The following COL26A1 variants were observed in gnomAD, a reference collection of about 807,000 sequenced individuals.
COL26A1 encodes the protein collagen type XXVI alpha 1 chain.
In COL26A1, 41 loss-of-function variants were observed where a neutral mutation model predicts 59.3. The ratio of observed to expected loss-of-function variants is 0.69; its 90% CI spans 0.54 to 0.90. COL26A1 has a LOEUF of 0.90. Among genes scored for constraint, COL26A1 ranks in the 40% least tolerant of loss-of-function variants. COL26A1 has a pLI of 0.00. For synonymous variants in COL26A1, 266 were observed against 256.0 expected, an observed-to-expected ratio of 1.04 and a Z score of -0.37; for missense variants, 612 against 602.3, an observed-to-expected ratio of 1.02 and a Z score of -0.17.
intron 3 of COL26A1, among the ~76,000 whole-genome samples, chr7:101,479,109 A>G (rs946056143): frequency 4.6e-5 from 7 of 152,230 alleles, no homozygotes; most frequent in African/African-American, 1.4e-4. Flanking sequence ...GCTTGCCCAG[A>G]CAGAAAATAC....
chr7:101,518,171 G>A (rs191306798), intron 3 of COL26A1, among the ~76,000 whole-genome samples: 1 of 152,280 alleles, frequency 6.6e-6, no homozygotes, highest in Admixed American at 6.5e-5. Flanking sequence ...AATGGCCAGA[G>A]AACCTTGCCC....
At chr7:101,532,381 T>C (rs1795388682) in intron 3 of COL26A1, among the ~76,000 whole-genome samples, 2 of 152,116 alleles carry the variant, frequency 1.3e-5, no homozygotes, top group African/African-American at 4.8e-5. Flanking sequence ...CCCCTGGTGT[T>C]AGAGATCCTT....
At chr7:101,436,453 C>T (rs1458273051) in intron 2 of COL26A1, among the ~76,000 whole-genome samples, 5 of 152,064 alleles carry the variant, frequency 3.3e-5, no homozygotes, top group East Asian at 1.9e-4. Context: ...GGGGAGGAGT[C>T]GGGGGCGGGC....
At chr7:101,538,241 G>A (rs890503736) in intron 4 of COL26A1, among the ~76,000 whole-genome samples, 7 of 152,160 alleles carry the variant, frequency 4.6e-5, no homozygotes, top group African/African-American at 1.2e-4. Context: ...GGCAGGAATC[G>A]GAACCCTTCT....
intron 3 of COL26A1, among the ~76,000 whole-genome samples, chr7:101,463,461 A>G (rs1793660885): frequency 6.6e-6 from 1 of 152,162 alleles, no homozygotes; most frequent in African/African-American, 2.4e-5. Flanking sequence ...TAATGCTGCC[A>G]TAACCATAGG....
intron 3 of COL26A1, among the ~76,000 whole-genome samples, chr7:101,458,733 C>A (rs11770719): frequency 6.6e-6 from 1 of 151,166 alleles, no homozygotes; most frequent in Non-Finnish European, 1.5e-5. Context: ...CAGAAACAGG[C>A]GCAGAGGAAA....
At chr7:101,538,610 G>C (rs1343131193) in intron 4 of COL26A1, among the ~76,000 whole-genome samples, 1 of 152,190 alleles carries the variant, frequency 6.6e-6, no homozygotes, top group East Asian at 1.9e-4. Context: ...CCAGGCCATC[G>C]GAGGACTGTG....
intron 1 of COL26A1, among the ~76,000 whole-genome samples, chr7:101,394,877 T>TC (rs1791820196): frequency 7.1e-6 from 1 of 141,282 alleles, no homozygotes; most frequent in Non-Finnish European, 1.6e-5. Context: ...TTCTTTTTTT[T>TC]TTTTTTTTTT....
chr7:101,449,381 A>G (rs1793275952), intron 3 of COL26A1, among the ~76,000 whole-genome samples: 1 of 152,190 alleles, frequency 6.6e-6, no homozygotes, highest in African/African-American at 2.4e-5. Flanking sequence ...CCTGCCATCT[A>G]GATCCTGCCA....
chr7:101,521,464 G>T (rs1795139590), intron 3 of COL26A1, among the ~76,000 whole-genome samples: 1 of 152,168 alleles, frequency 6.6e-6, no homozygotes, highest in Admixed American at 6.5e-5. Context: ...GTGCCTAAGT[G>T]CCCTTGGGGT....
intron 2 of COL26A1, among the ~76,000 whole-genome samples, chr7:101,437,321 A>G (rs896088351): frequency 1.3e-5 from 2 of 151,908 alleles, no homozygotes; most frequent in Non-Finnish European, 2.9e-5. Context: ...GGGAGGCTGC[A>G]TGACTTGGGC....
At chr7:101,549,277 C>A in intron 9 of COL26A1, 54 bp downstream of exon 9, 2 of 1,278,938 alleles carry the variant, frequency 1.6e-6, no homozygotes, top group Non-Finnish European at 1.1e-6. Flanking sequence ...TGGCGGGTGG[C>A]CTTGTCTCCC....
At chr7:101,404,810 G>A (rs1344072728) in intron 1 of COL26A1, among the ~76,000 whole-genome samples, 1 of 152,236 alleles carries the variant, frequency 6.6e-6, no homozygotes, top group East Asian at 1.9e-4. Context: ...GCTGAAGAGG[G>A]AGGATTGCTT....
intron 3 of COL26A1, among the ~76,000 whole-genome samples, chr7:101,463,621 C>T: frequency 1.0e-5 from 1 of 99,512 alleles, no homozygotes; most frequent in East Asian, 3.5e-4. Context: ...CTCCCTCCCT[C>T]CCCCTCTTCC....
intron 1 of COL26A1, among the ~76,000 whole-genome samples, chr7:101,376,207 G>A (rs1236486693): frequency 6.6e-6 from 1 of 151,646 alleles, no homozygotes; most frequent in Non-Finnish European, 1.5e-5. Context: ...AGCTACCTGG[G>A]AGGGGAGGCT....
chr7:101,379,163 A>G (rs1461917489), intron 1 of COL26A1, among the ~76,000 whole-genome samples: 1 of 152,082 alleles, frequency 6.6e-6, no homozygotes, highest in African/African-American at 2.4e-5. Context: ...CACACGGCTG[A>G]TGCTTGGGCT....
At chr7:101,484,415 G>T (rs1341164373) in intron 3 of COL26A1, among the ~76,000 whole-genome samples, 2 of 152,004 alleles carry the variant, frequency 1.3e-5, no homozygotes, top group Non-Finnish European at 2.9e-5. Flanking sequence ...GTGTCGCCCA[G>T]GCTGGAATGC....
Position 101,544,072 on chromosome 7 carries a change from G to C in COL26A1, c.679G>C (p.Glu227Gln), listed in dbSNP as rs1490354732. Residue 227 changes from glutamate to glutamine, a missense_variant, in exon 6 of 13, where the codon GAG (glutamate) becomes CAG (glutamine). By Grantham distance (29) the Glu-to-Gln change is conservative. Transcript: ENST00000313669. Reference protein sequence around the residue: ...GSKGDRGQTGEKGPAGPPGLL... With the variant: ...GSKGDRGQTGQKGPAGPPGLL... ...TAAAGGTGACCGAGGCCAGACAGGA[G>C]AGAAGGGTCCAGCGGGGCCGCCTGG... 1 of 1,605,994 alleles carries C rather than the reference G, an allele frequency of 6.2e-7. No individual in the cohort carries two copies.
intron 2 of COL26A1, among the ~76,000 whole-genome samples, chr7:101,431,966 ATTTTTTT>A (rs35468529): frequency 1.0e-4 from 14 of 133,596 alleles, no homozygotes; most frequent in Middle Eastern, 7.6e-3. Flanking sequence ...TAATTTTATA[ATTTTTTT>A]TTTTTTTTTT....
Sources: allele counts gnomAD v4.1 joint callset (sites outside exome capture counted in the v4.1 genomes callset), GRCh38; gene constraint gnomAD v4.1.1; transcripts MANE v1.5; gene names NCBI Gene and HGNC (gene_info 2026-07-23, HGNC 2026-07-21).